Variants in PDE10A observed in about 807,000 individuals in gnomAD.
The protein encoded by PDE10A is phosphodiesterase 10A.
A neutral mutation model predicts 97.7 loss-of-function variants in PDE10A; 39 were observed. The observed-to-expected ratio is 0.40, with a 90% CI of 0.31 to 0.52. PDE10A has a LOEUF of 0.52. PDE10A is among the 20% of genes least tolerant of loss of function. The pLI is 0.56. For missense variants in PDE10A, 731 were observed against 1,047.8 expected, an observed-to-expected ratio of 0.70 and a Z score of 4.17; for synonymous variants, 371 against 376.8, an observed-to-expected ratio of 0.98 and a Z score of 0.18.
chr6:165,384,688 A>G (rs1785173917), intron 17 of PDE10A, among the ~76,000 whole-genome samples: 4 of 142,772 alleles, frequency 2.8e-5, no homozygotes, highest in Non-Finnish European at 3.0e-5. Flanking sequence ...GGGCGACTAA[A>G]GGTTAGCTTT....
At chr6:165,681,244 A>G (rs1166258740) in intron 1 of PDE10A, among the ~76,000 whole-genome samples, 1 of 152,214 alleles carries the variant, frequency 6.6e-6, no homozygotes, top group Non-Finnish European at 1.5e-5. Context: ...ATGGTCAACA[A>G]ATATATTTGC....
chr6:165,348,988 T>G (rs1782505251), intron 18 of PDE10A, among the ~76,000 whole-genome samples: 1 of 152,180 alleles, frequency 6.6e-6, no homozygotes, highest in African/African-American at 2.4e-5. Context: ...CTCTTTCCTT[T>G]ATAAATTACC....
At chr6:165,561,577 T>C (rs374169999) in intron 1 of PDE10A, among the ~76,000 whole-genome samples, 18 of 152,224 alleles carry the variant, frequency 1.2e-4, no homozygotes, top group African/African-American at 3.9e-4. Flanking sequence ...AGTGTTGCAC[T>C]ACATTTTTTT....
chr6:165,825,169 GAA>G (rs35069499), intron 1 of PDE10A, among the ~76,000 whole-genome samples: 1 of 140,632 alleles, frequency 7.1e-6, no homozygotes, highest in East Asian at 2.1e-4. Flanking sequence ...AAAAGAAAAA[GAA>G]AAAAAAAGAA....
chr6:165,826,772 G>T (rs938575777), intron 1 of PDE10A, among the ~76,000 whole-genome samples: 2 of 146,792 alleles, frequency 1.4e-5, no homozygotes, highest in African/African-American at 5.0e-5. Context: ...GAGATGTGCG[G>T]TTGGGAGGGG....
intron 5 of PDE10A, among the ~76,000 whole-genome samples, chr6:165,439,325 A>T (rs190846995): frequency 3.3e-5 from 5 of 152,314 alleles, no homozygotes; most frequent in Admixed American, 6.5e-5. Context: ...ATATATAAAA[A>T]CTTTAATTAG....
At chr6:165,402,830 T>C (rs1410654980) in intron 13 of PDE10A, among the ~76,000 whole-genome samples, 1 of 152,192 alleles carries the variant, frequency 6.6e-6, no homozygotes, top group Non-Finnish European at 1.5e-5. Context: ...AGTGATTATT[T>C]AGAATGTTGT....
chr6:165,782,399 TCG>T (rs1778363724), intron 1 of PDE10A, among the ~76,000 whole-genome samples: 1 of 152,210 alleles, frequency 6.6e-6, no homozygotes, highest in African/African-American at 2.4e-5. Context: ...CTCTCAAACC[TCG>T]TCAGAGTCCA....
At chr6:165,533,999 A>G (rs1001011622) in intron 2 of PDE10A, among the ~76,000 whole-genome samples, 1 of 152,064 alleles carries the variant, frequency 6.6e-6, no homozygotes, top group Non-Finnish European at 1.5e-5. Context: ...CTGGCCAAAT[A>G]CTCTCAGAAA....
At chr6:165,591,797 C>G (rs1277180448) in intron 1 of PDE10A, among the ~76,000 whole-genome samples, 1 of 152,068 alleles carries the variant, frequency 6.6e-6, no homozygotes, top group African/African-American at 2.4e-5. Context: ...ATGCTGTTTA[C>G]AAGAAGAAAG....
At chr6:165,771,123 T>C (rs1040354895) in intron 1 of PDE10A, among the ~76,000 whole-genome samples, 1 of 152,228 alleles carries the variant, frequency 6.6e-6, no homozygotes, top group African/African-American at 2.4e-5. Context: ...GAGCAACCAA[T>C]GGCTGAAAGA....
intron 1 of PDE10A, among the ~76,000 whole-genome samples, chr6:165,595,579 T>C (rs945999768): frequency 1.3e-5 from 2 of 152,216 alleles, no homozygotes; most frequent in African/African-American, 4.8e-5. Context: ...TGTCATAATA[T>C]AGCCAAAAAC....
chr6:165,476,177 A>C (rs987092172), intron 3 of PDE10A, among the ~76,000 whole-genome samples: 2 of 152,108 alleles, frequency 1.3e-5, no homozygotes, highest in Admixed American at 1.3e-4. Context: ...AAAAAAAAAA[A>C]CCAAAAATAT....
chr6:165,386,421 T>C (rs1451461346), intron 17 of PDE10A, among the ~76,000 whole-genome samples: 1 of 152,222 alleles, frequency 6.6e-6, no homozygotes, highest in East Asian at 1.9e-4. Context: ...TCAGCTGTGA[T>C]TAAACTGCTA....
rs1010789563 is a variant in PDE10A at position 165,661,652 on chromosome 6, G to A, written c.865+295C>T. ...CAGAAACGGCACGAGGGGCGGAGAA[G>A]GAGGCGGCAGGTCCCGCTCGCAACG... is the stretch of plus-strand genomic sequence containing the variant. On this transcript the variant is annotated intron_variant, in intron 1 of 21. Coordinates refer to ENST00000539869, the MANE Select transcript of PDE10A (RefSeq NM_001385079.1). This position sits in a 1 kb window ranked among gnomAD's most constrained non-coding sequence, Gnocchi z 4.8. 10 of 390,138 alleles carry A rather than the reference G, an allele frequency of 2.6e-5. No homozygotes were observed. Among genetic ancestry groups the A allele is most frequent in the Non-Finnish European group, 4.1e-5 (9 of 220,754 alleles). 24.2% of individuals were successfully genotyped at this position (390,138 alleles called of 1,614,324 possible). A position where few individuals can be genotyped will look rare whatever the true frequency, so the allele number is the denominator to read the frequency against.
chr6:165,409,306 G>A (rs574212390), intron 13 of PDE10A, among the ~76,000 whole-genome samples: 1 of 152,316 alleles, frequency 6.6e-6, no homozygotes, highest in African/African-American at 2.4e-5. Flanking sequence ...CAGCACTTTG[G>A]GAGGCCGAGG....
At chr6:165,762,022 T>C (rs184106336) in intron 1 of PDE10A, among the ~76,000 whole-genome samples, 3 of 152,342 alleles carry the variant, frequency 2.0e-5, no homozygotes, top group Admixed American at 6.5e-5. Flanking sequence ...TACCTTTGTC[T>C]TATATGAGTT....
intron 1 of PDE10A, among the ~76,000 whole-genome samples, chr6:165,919,095 G>A (rs150711647): frequency 7.6e-4 from 116 of 152,306 alleles, no homozygotes; most frequent in Non-Finnish European, 1.5e-3. Context: ...ACTTACCCAT[G>A]TAATTACTCA....
At chr6:165,969,428 C>A (rs1295343826) in intron 1 of PDE10A, among the ~76,000 whole-genome samples, 2 of 152,126 alleles carry the variant, frequency 1.3e-5, no homozygotes, top group African/African-American at 4.8e-5. Context: ...AAATAAGACA[C>A]AGCTGTAGCT....
Sources: gnomAD v4.1 joint callset for allele counts (sites outside exome capture counted in the v4.1 genomes callset) on GRCh38, gnomAD v4.1.1 for gene constraint, Gnocchi (gnomAD v3.1) non-coding constraint, MANE v1.5 for transcripts, NCBI Gene and HGNC (gene_info 2026-07-23, HGNC 2026-07-21) for gene names.